Variants in MKLN1 observed in about 807,000 individuals in gnomAD.
The protein encoded by MKLN1 is muskelin 1.
Under a neutral mutation model 99.0 loss-of-function variants are expected in MKLN1, and 18 were observed. The ratio of observed to expected loss-of-function variants is 0.18; its 90% confidence interval spans 0.13 to 0.27. The LOEUF is 0.27. Ranked by LOEUF, MKLN1 falls within the 10% of genes least tolerant of loss-of-function variation. The pLI is 1.00. For synonymous variants in MKLN1, 288 were observed against 293.2 expected (o/e 0.98, Z 0.18); for missense variants, 621 against 875.9 (o/e 0.71, Z 3.67).
At chr7:131,390,611 A>G (rs908219310) in intron 4 of MKLN1, among the ~76,000 whole-genome samples, 1 of 152,286 alleles carries the variant, frequency 6.6e-6, no homozygotes, top group Non-Finnish European at 1.5e-5. Context: ...GTTTTGACAT[A>G]TGAATACATT....
chr7:131,476,353 T>C (rs141846889), intron 16 of MKLN1, among the ~76,000 whole-genome samples: 3 of 152,268 alleles, frequency 2.0e-5, no homozygotes, highest in Admixed American at 2.0e-4. Context: ...AGAAAGTAAA[T>C]TTGTTTGCAT....
intron 1 of MKLN1, among the ~76,000 whole-genome samples, chr7:131,128,967 T>G (rs1249935289): frequency 6.7e-6 from 1 of 150,306 alleles, no homozygotes; most frequent in Non-Finnish European, 1.5e-5. Context: ...ATTCTAGGAC[T>G]TTATGTATAT....
At chr7:131,239,376 G>A (rs558177328) in intron 3 of MKLN1, among the ~76,000 whole-genome samples, 1 of 151,126 alleles carries the variant, frequency 6.6e-6, no homozygotes, top group African/African-American at 2.4e-5. Context: ...GTACTGACAC[G>A]ATCATAGCTC....
intron 3 of MKLN1, among the ~76,000 whole-genome samples, chr7:131,248,702 G>A (rs151165611): frequency 6.6e-6 from 1 of 152,198 alleles, no homozygotes; most frequent in African/African-American, 2.4e-5. Flanking sequence ...GTGAAAAGTT[G>A]GTTGGTTTCT....
chr7:131,234,884 A>G (rs993342571), intron 3 of MKLN1, among the ~76,000 whole-genome samples: 1 of 152,106 alleles, frequency 6.6e-6, no homozygotes, highest in Admixed American at 6.5e-5. Flanking sequence ...AAGCTAACCT[A>G]CATTTGCTGT....
chr7:131,130,165 C>T (rs1795528236), intron 1 of MKLN1, among the ~76,000 whole-genome samples: 1 of 152,120 alleles, frequency 6.6e-6, no homozygotes, highest in Admixed American at 6.5e-5. Flanking sequence ...ATCTTCTGAT[C>T]CATACAAACT....
intron 3 of MKLN1, among the ~76,000 whole-genome samples, chr7:131,264,984 A>G (rs949889690): frequency 2.0e-5 from 3 of 152,020 alleles, no homozygotes; most frequent in East Asian, 3.9e-4. Flanking sequence ...GATTACAGGT[A>G]CCCACCACCA....
chr7:131,435,538 A>G (rs1284999933), intron 9 of MKLN1, among the ~76,000 whole-genome samples: 1 of 152,098 alleles, frequency 6.6e-6, no homozygotes, highest in East Asian at 1.9e-4. Context: ...ATAATTTACC[A>G]GTGTAGATAT....
chr7:131,472,836 AGCTACTGGG>A (rs1376173924), intron 16 of MKLN1, among the ~76,000 whole-genome samples: 1 of 151,732 alleles, frequency 6.6e-6, no homozygotes, highest in Non-Finnish European at 1.5e-5. Context: ...CTGTAGTCCC[AGCTACTGGG>A]GAGGCTGAGG....
chr7:131,486,613 C>T (rs1333579255), intron 17 of MKLN1, among the ~76,000 whole-genome samples: 1 of 152,128 alleles, frequency 6.6e-6, no homozygotes, highest in Non-Finnish European at 1.5e-5. Context: ...TTTCACTGAA[C>T]ACCATGGCAT....
rs139250851 is a variant in MKLN1, at chr7:131,426,936, G to A, written c.848-2097G>A. Among the ~76,000 whole-genome samples the A allele has an allele frequency of 6.3e-3, 961 of 151,960 alleles. 6 individuals carry two copies. The highest frequency in any genetic ancestry group is 0.015 in the South Asian group (74 of 4,808). Reference sequence around the variant, plus strand: ...TGCCAGGCTAATTTTTGTATTTTTGGTAGAGACGGGATTTCACCATGTTGA... The same window carrying A: ...TGCCAGGCTAATTTTTGTATTTTTGATAGAGACGGGATTTCACCATGTTGA... On this transcript the variant is annotated intron_variant, in intron 8 of 17. Transcript: ENST00000352689.
chr7:131,259,078 C>A (rs1797696773), intron 3 of MKLN1, among the ~76,000 whole-genome samples: 1 of 152,094 alleles, frequency 6.6e-6, no homozygotes, highest in Non-Finnish European at 1.5e-5. Flanking sequence ...GTTGAAACTT[C>A]TTCTCCACTC....
chr7:131,377,054 GTATT>G (rs562204258), intron 2 of MKLN1, among the ~76,000 whole-genome samples: 33 of 152,156 alleles, frequency 2.2e-4, no homozygotes, highest in Non-Finnish European at 4.3e-4. Context: ...ATGCCAAAAT[GTATT>G]TATCCATTTT....
intron 16 of MKLN1, 173 bp from the exon 17 acceptor site, chr7:131,478,450 C>T (rs365455): frequency 6.0e-6 from 3 of 501,016 alleles, no homozygotes; most frequent in Non-Finnish European, 9.7e-6. Flanking sequence ...TCATTATATT[C>T]TGTAATCTGA....
intron 2 of MKLN1, among the ~76,000 whole-genome samples, chr7:131,164,745 A>G (rs1796099348): frequency 6.6e-6 from 1 of 152,236 alleles, no homozygotes; most frequent in Non-Finnish European, 1.5e-5. Context: ...ACAATGAATC[A>G]TAGAAGGAAG....
At chr7:131,265,388 C>T (rs1481782351) in intron 3 of MKLN1, among the ~76,000 whole-genome samples, 1 of 152,136 alleles carries the variant, frequency 6.6e-6, no homozygotes, top group Non-Finnish European at 1.5e-5. Flanking sequence ...TCTTTCTTCT[C>T]TCTTACGTCT....
chr7:131,173,974 C>CTTTTTTTTTTT (rs1191131472), intron 2 of MKLN1, among the ~76,000 whole-genome samples: 1 of 129,674 alleles, frequency 7.7e-6, no homozygotes, highest in African/African-American at 3.1e-5. Context: ...TTTTCTTTTT[C>CTTTTTTTTTTT]TTTTTTTTTT....
chr7:131,301,632 T>G (rs1798378530), intron 3 of MKLN1, among the ~76,000 whole-genome samples: 2 of 152,068 alleles, frequency 1.3e-5, no homozygotes, highest in Admixed American at 6.6e-5. Flanking sequence ...TTTGTTATGG[T>G]CTATAGCTCA....
At chr7:131,476,752 A>G (rs1796978748) in intron 16 of MKLN1, among the ~76,000 whole-genome samples, 1 of 152,232 alleles carries the variant, frequency 6.6e-6, no homozygotes, top group Admixed American at 6.5e-5. Flanking sequence ...TAAAATTTAC[A>G]TGGAAATGCA....
Sources: allele counts gnomAD v4.1 joint callset (sites outside exome capture counted in the v4.1 genomes callset), GRCh38; gene constraint gnomAD v4.1.1; transcripts MANE v1.5; gene names NCBI Gene and HGNC (gene_info 2026-07-23, HGNC 2026-07-21).